The following LRP4 variants were observed in gnomAD, a reference collection of about 807,000 sequenced individuals.
The protein encoded by LRP4 is low-density lipoprotein receptor-related protein 4.
Under a neutral mutation model 220.3 loss-of-function variants are expected in LRP4, and 95 were observed. The ratio of observed to expected loss-of-function variants is 0.43; its 90% CI spans 0.37 to 0.51. The LOEUF (loss-of-function observed/expected upper bound fraction) is 0.51. Ranked by LOEUF, LRP4 falls within the 20% of genes least tolerant of loss-of-function variation. The pLI is 0.00. For synonymous variants in LRP4, 903 were observed against 954.6 expected (o/e 0.95, Z 1.00); for missense variants, 1,925 against 2,567.0 (o/e 0.75, Z 5.40).
intron 36 of LRP4, chr11:46,862,967 G>A (rs1340477541): frequency 1.8e-6 from 1 of 566,986 alleles, no homozygotes; most frequent in Non-Finnish European, 3.2e-6. Flanking sequence ...TACTAGATTA[G>A]GTTACCAAGA....
rs1650358073 is a variant in LRP4, at chr11:46,894,703, G to A, written c.1426C>T (p.His476Tyr). 6.2e-7 allele frequency: 1 copy of A among 1,614,188 alleles called. No homozygotes were observed. The highest frequency in any genetic ancestry group is 8.5e-7 in the Non-Finnish European group (1 of 1,180,018). The change falls in exon 12 of 38, where the codon CAC becomes TAC. Residue 476 changes from histidine to tyrosine, a missense_variant. Physicochemically the swap from His to Tyr is moderately conservative, Grantham distance 83 (BLOSUM62 2). This residue lies in a region of LRP4 where 269 missense variants were observed against 436.7 expected (regional missense o/e 0.62). Coordinates refer to ENST00000378623, the MANE Select transcript of LRP4 (RefSeq NM_002334.4). Reference sequence around the variant, plus strand: ...CAGAAGACAAGCTCGCGGCGGTGGTGGAAATCAAGGGCAATGGCATTCTCC... The same window carrying A: ...CAGAAGACAAGCTCGCGGCGGTGGTAGAAATCAAGGGCAATGGCATTCTCC... The part of the protein sequence containing the change: ...NLENAIALDF[H>Y]HRRELVFWSD...
At chr11:46,913,301 C>T (rs926043337) in intron 1 of LRP4, among the ~76,000 whole-genome samples, 4 of 152,274 alleles carry the variant, frequency 2.6e-5, no homozygotes, top group Non-Finnish European at 2.9e-5. Context: ...GGCAGACAAC[C>T]GTCAGGAAGC....
At chr11:46,886,215 C>G in intron 17 of LRP4, 43 bp from the exon 18 acceptor site, 2 of 1,600,986 alleles carry the variant, frequency 1.2e-6, no homozygotes, top group South Asian at 1.1e-5. Context: ...TACTTCCACT[C>G]TAGTTCTGGA....
At chr11:46,910,680 C>CCTTTTTTTTTTTTT (rs537874966) in intron 1 of LRP4, among the ~76,000 whole-genome samples, 1 of 123,814 alleles carries the variant, frequency 8.1e-6, no homozygotes, top group Non-Finnish European at 1.6e-5. Flanking sequence ...TCCTTGCCCC[C>CCTTTTTTTTTTTTT]TTTTTTTTTT....
chr11:46,900,648 T>C (rs572406011), intron 2 of LRP4, among the ~76,000 whole-genome samples: 1 of 152,028 alleles, frequency 6.6e-6, no homozygotes, highest in South Asian at 2.1e-4. Context: ...TTTTTGGTTT[T>C]TGTTTTTGTT....
intron 1 of LRP4, among the ~76,000 whole-genome samples, chr11:46,916,412 CCTGGGCAA>C (rs1285440271): frequency 1.3e-5 from 2 of 152,092 alleles, no homozygotes; most frequent in African/African-American, 4.8e-5. Flanking sequence ...TGCATTCCAG[CCTGGGCAA>C]CAGAGTGAGA....
chr11:46,898,659 C>G lies in LRP4; in HGVS notation c.695G>C (p.Arg232Pro), dbSNP rs370407081. 1 of 1,614,134 alleles carries G rather than the reference C, an allele frequency of 6.2e-7. No individual in the cohort carries two copies. Among genetic ancestry groups the G allele is most frequent in the South Asian group, 1.1e-5 (1 of 91,080 alleles). ...ESDCSSHQPCRSGEFMCDSGL... is the reference protein window; with the variant it reads ...ESDCSSHQPCPSGEFMCDSGL... Reference sequence around the variant, plus strand: ...ACTGTCACACATGAACTCCCCAGAGCGGCAGGGCTGGTGGGAGGCTAGGGA... The same window carrying G: ...ACTGTCACACATGAACTCCCCAGAGGGGCAGGGCTGGTGGGAGGCTAGGGA... Residue 232 changes from arginine (R) to proline (P), a missense_variant, in exon 7 of 38, where the codon CGC becomes CCC. Arg to Pro is a moderately radical substitution (Grantham distance 103, BLOSUM62 -2). This residue lies in a region of LRP4 where 412 missense variants were observed against 505.4 expected (regional missense o/e 0.82). Coordinates refer to ENST00000378623, the MANE Select transcript of LRP4 (RefSeq NM_002334.4).
At chr11:46,915,967 C>T (rs2134893639) in intron 1 of LRP4, among the ~76,000 whole-genome samples, 1 of 152,236 alleles carries the variant, frequency 6.6e-6, no homozygotes, top group African/African-American at 2.4e-5. Flanking sequence ...GTGCTGGTTC[C>T]AGGCTCTGAA....
intron 2 of LRP4, among the ~76,000 whole-genome samples, chr11:46,901,889 C>G (rs1483159142): frequency 6.6e-6 from 1 of 151,952 alleles, no homozygotes; most frequent in Non-Finnish European, 1.5e-5. Context: ...CCTGCCACCA[C>G]GCCCGGCTAA....
At position 46,883,495 on chromosome 11, in the gene LRP4, C is replaced by A. The variant is rs1420811612; in HGVS notation, c.2612+376G>T. Among the ~76,000 whole-genome samples the A allele has an allele frequency of 4.6e-5, 7 of 152,214 alleles. No individual in the cohort carries two copies. In the East Asian group the frequency reaches 1.3e-3, roughly 29 times the overall value. On this transcript the variant is annotated intron_variant, in intron 19 of 37. Coordinates refer to ENST00000378623, the MANE Select transcript of LRP4 (RefSeq NM_002334.4). ...GCCCAACCTATTTCTTTAATTCGGCCCACCCCTTCATTTCCCATAAGGGAT... is the reference window on the plus strand; with the variant it reads ...GCCCAACCTATTTCTTTAATTCGGCACACCCCTTCATTTCCCATAAGGGAT...
chr11:46,889,677 G>A, intron 15 of LRP4, 144 bp from the exon 16 acceptor site: 1 of 1,106,514 alleles, frequency 9.0e-7, no homozygotes, highest in Non-Finnish European at 1.3e-6. Flanking sequence ...CCTGCTGCTA[G>A]CACAGTGAGT....
rs774637576 is a variant in LRP4 at position 46,898,896 on chromosome 11, G to A, written c.676+8C>T. ...CCTCCCCACCTCCCAGCTGGCCAGA[G>A]TACTCACAGCAGTCAGACTCGTCTG... On this transcript the variant is annotated splice_region_variant and intron_variant, in intron 6 of 37. Transcript: ENST00000378623. 6.8e-6 allele frequency: 11 copies of A among 1,613,762 alleles called. No homozygotes were observed. The East Asian group carries it at 1.8e-4, about 26-fold the overall frequency.
rs373930335 is a variant in LRP4, at chr11:46,878,885, G to C, written c.3136+22C>G. The C allele has an allele frequency of 2.0e-4, 318 of 1,613,896 alleles. 1 individual carries two copies. In the African/African-American group the frequency reaches 4.0e-3, roughly 20 times the overall value. On this transcript the variant is annotated intron_variant, in intron 22 of 37. Coordinates refer to ENST00000378623, the MANE Select transcript of LRP4 (RefSeq NM_002334.4). ...CCCCCTCCCAGAGAGGCTGCATCTA[G>C]ATCTGTGATGCTTTCACTCACCTGG...
At chr11:46,887,536 T>A (rs911897820) in intron 16 of LRP4, among the ~76,000 whole-genome samples, 1 of 151,666 alleles carries the variant, frequency 6.6e-6, no homozygotes, top group Non-Finnish European at 1.5e-5. Context: ...CCGTCTCTAC[T>A]AAAAATACAA....
chr11:46,896,098 C>T, intron 9 of LRP4, 80 bp from the exon 10 acceptor site: 6 of 1,612,106 alleles, frequency 3.7e-6, no homozygotes, highest in Non-Finnish European at 2.5e-6. Context: ...ACCTGGACCA[C>T]AAAGAACAGC....
At chr11:46,878,173 G>A (rs1195028890) in intron 22 of LRP4, among the ~76,000 whole-genome samples, 1 of 151,854 alleles carries the variant, frequency 6.6e-6, no homozygotes, top group Non-Finnish European at 1.5e-5. Context: ...CATAGGTTGT[G>A]CACTCACAAA....
At chr11:46,883,846 T>A in intron 19 of LRP4, 25 bp downstream of exon 19, 1 of 1,564,524 alleles carries the variant, frequency 6.4e-7, no homozygotes, top group Non-Finnish European at 8.8e-7. Flanking sequence ...TGGATGGAGC[T>A]CATTCCCAAG....
intron 2 of LRP4, among the ~76,000 whole-genome samples, chr11:46,901,889 C>T (rs1483159142): frequency 2.0e-5 from 3 of 151,952 alleles, no homozygotes; most frequent in African/African-American, 4.8e-5. Context: ...CCTGCCACCA[C>T]GCCCGGCTAA....
chr11:46,873,189 C>T lies in LRP4; in HGVS notation c.4494G>A (p.Arg1498=). Reference sequence around the variant, plus strand: ...TCCGCTCAGAACCATCCAAGTTTGCCCGTTCGATCTTGGCAATGTGGCCCC... The same window carrying T: ...TCCGCTCAGAACCATCCAAGTTTGCTCGTTCGATCTTGGCAATGTGGCCCC... The part of the protein sequence containing the change: ...TDWGHIAKIE[R]ANLDGSERKV... The change falls in exon 30 of 38, where the codon CGG becomes CGA. Residue 1498 remains arginine, a synonymous_variant. Coordinates refer to ENST00000378623, the MANE Select transcript of LRP4 (RefSeq NM_002334.4). The surrounding 1 kb of genome is among the most constrained non-coding windows in gnomAD (Gnocchi z 4.2). 1 of 1,614,186 alleles carries T rather than the reference C, an allele frequency of 6.2e-7. No individual in the cohort carries two copies. Among genetic ancestry groups the T allele is most frequent in the Non-Finnish European group, 8.5e-7 (1 of 1,180,040 alleles).
Sources: gnomAD v4.1 joint callset for allele counts (sites outside exome capture counted in the v4.1 genomes callset) on GRCh38, gnomAD v4.1.1 for gene constraint, gnomAD v4.1.1 regional missense constraint, Gnocchi (gnomAD v3.1) non-coding constraint, MANE v1.5 for transcripts, NCBI Gene and HGNC (gene_info 2026-07-23, HGNC 2026-07-21) for gene names.